Variants in CAMKMT observed in about 807,000 individuals in gnomAD.
CAMKMT encodes the protein calmodulin-lysine N-methyltransferase, also known as CaM KMT.
CAMKMT carries 53 observed loss-of-function variants against 48.0 expected under a neutral mutation model. That is an observed-to-expected ratio of 1.10 (90% CI 0.89 to 1.39). CAMKMT has a LOEUF of 1.39. Among genes scored for constraint, CAMKMT ranks in the 40% most tolerant of loss-of-function variants. CAMKMT has a pLI of 0.00. For synonymous variants in CAMKMT, 165 were observed against 152.3 expected, an observed-to-expected ratio of 1.08 and a Z score of -0.61; for missense variants, 428 against 402.7, an observed-to-expected ratio of 1.06 and a Z score of -0.54.
chr2:44,567,944 T>C (rs1271821252), intron 3 of CAMKMT, among the ~76,000 whole-genome samples: 1 of 152,114 alleles, frequency 6.6e-6, no homozygotes, highest in East Asian at 1.9e-4. Context: ...AAAATGCTAC[T>C]CCTGTTCTTA....
intron 2 of CAMKMT, among the ~76,000 whole-genome samples, chr2:44,385,669 A>T (rs1013537106): frequency 6.6e-6 from 1 of 152,040 alleles, no homozygotes; most frequent in Non-Finnish European, 1.5e-5. Flanking sequence ...TTTTGCTGAG[A>T]GTTTTAATCA....
In CAMKMT at chr2:44,690,461, G is replaced by C. The variant is rs529735381; in HGVS notation, c.377-13822G>C. 2.6e-5 allele frequency among the ~76,000 whole-genome samples: 4 copies of C among 152,366 alleles called. No individual in the cohort carries two copies. In the East Asian group the frequency reaches 7.7e-4, roughly 29 times the overall value. Reference sequence around the variant, plus strand: ...GTTGGGGCACAGAATGCAGTGATGAGAGACTGGGCTCTAGAGTTAGAGTAT... The same window carrying C: ...GTTGGGGCACAGAATGCAGTGATGACAGACTGGGCTCTAGAGTTAGAGTAT... On this transcript the variant is annotated intron_variant, in intron 3 of 10. Coordinates refer to ENST00000378494, the MANE Select transcript of CAMKMT (RefSeq NM_024766.5).
chr2:44,576,327 T>TA (rs569571059), intron 3 of CAMKMT, among the ~76,000 whole-genome samples: 6,562 of 76,444 alleles, frequency 0.086, 529 homozygotes, highest in African/African-American at 0.25. Context: ...AAACTCTGTC[T>TA]AAAAAAAAAA....
chr2:44,632,595 T>C (rs1432500053), intron 3 of CAMKMT, among the ~76,000 whole-genome samples: 1 of 152,186 alleles, frequency 6.6e-6, no homozygotes, highest in East Asian at 1.9e-4. Flanking sequence ...AGTACAGTGA[T>C]GGTTAATACG....
At chr2:44,688,702 TCTC>T (rs1287937447) in intron 3 of CAMKMT, among the ~76,000 whole-genome samples, 1 of 152,086 alleles carries the variant, frequency 6.6e-6, no homozygotes, top group Non-Finnish European at 1.5e-5. Flanking sequence ...GGGAGGCAGT[TCTC>T]CTCCTTCCCC....
intron 3 of CAMKMT, among the ~76,000 whole-genome samples, chr2:44,512,110 T>C (rs1021354850): frequency 6.6e-6 from 1 of 152,232 alleles, no homozygotes; most frequent in African/African-American, 2.4e-5. Flanking sequence ...TAGTCACTGC[T>C]GCTACCACTT....
chr2:44,505,665 G>A (rs1670221076), intron 3 of CAMKMT, among the ~76,000 whole-genome samples: 1 of 151,964 alleles, frequency 6.6e-6, no homozygotes, highest in South Asian at 2.1e-4. Context: ...CATTGAATAG[G>A]CTGAGGTGAA....
chr2:44,563,925 G>T (rs536313364), intron 3 of CAMKMT, among the ~76,000 whole-genome samples: 4 of 152,064 alleles, frequency 2.6e-5, no homozygotes, highest in South Asian at 2.1e-4. Flanking sequence ...GAATAGTGCC[G>T]CAATGAACAT....
intron 3 of CAMKMT, among the ~76,000 whole-genome samples, chr2:44,689,261 ATT>A (rs1278736278): frequency 9.2e-6 from 1 of 108,810 alleles, no homozygotes; most frequent in East Asian, 2.7e-4. Context: ...ACCCAGCACT[ATT>A]TTTTATTTAT....
intron 3 of CAMKMT, among the ~76,000 whole-genome samples, chr2:44,682,799 A>G (rs1292617217): frequency 1.3e-5 from 2 of 152,232 alleles, no homozygotes; most frequent in African/African-American, 2.4e-5. Context: ...TGAAAATTGT[A>G]TATATTACAT....
intron 3 of CAMKMT, among the ~76,000 whole-genome samples, chr2:44,447,256 A>C (rs1328381307): frequency 6.6e-6 from 1 of 151,976 alleles, no homozygotes; most frequent in East Asian, 1.9e-4. Context: ...ACATTTTATA[A>C]CTCATTGTCG....
At chr2:44,594,634 T>G (rs1572880886) in intron 3 of CAMKMT, among the ~76,000 whole-genome samples, 1 of 152,292 alleles carries the variant, frequency 6.6e-6, no homozygotes, top group East Asian at 1.9e-4. Context: ...ACTGGATCCC[T>G]TCCTTACACC....
At chr2:44,597,796 G>A (rs143997887) in intron 3 of CAMKMT, among the ~76,000 whole-genome samples, 71 of 152,214 alleles carry the variant, frequency 4.7e-4, no homozygotes, top group African/African-American at 1.6e-3. Flanking sequence ...GAGTGCAGTG[G>A]TGCGATCTCA....
At chr2:44,571,842 C>A (rs145705958) in intron 3 of CAMKMT, among the ~76,000 whole-genome samples, 111 of 152,086 alleles carry the variant, frequency 7.3e-4, no homozygotes, top group Non-Finnish European at 1.3e-3. Flanking sequence ...AAAAAAGAGA[C>A]AAAACAAATA....
At position 44,455,883 on chromosome 2, in the gene CAMKMT, G is replaced by A. The variant is rs765395421; in HGVS notation, c.376+65578G>A. Among the ~76,000 whole-genome samples the A allele has an allele frequency of 1.4e-4, 22 of 152,122 alleles. 1 individual carries two copies. Among genetic ancestry groups the A allele is most frequent in the Non-Finnish European group, 2.8e-4 (19 of 68,016 alleles). ...CAAAAACGTTGGTCCTTAATTAAAG[G>A]TTAAAGTTATCAGGAATCCTAACTT... On this transcript the variant is annotated intron_variant, in intron 3 of 10. Coordinates refer to ENST00000378494, the MANE Select transcript of CAMKMT (RefSeq NM_024766.5).
intron 2 of CAMKMT, among the ~76,000 whole-genome samples, chr2:44,383,947 G>T (rs11124989): frequency 0.63 from 96,071 of 151,950 alleles, 30,791 homozygotes; most frequent in Middle Eastern, 0.67. Flanking sequence ...AGTGTGCAAG[G>T]GTCTTTTTCG....
rs1156863967 is a variant in CAMKMT at position 44,588,852 on chromosome 2, C to T, written c.377-115431C>T. 3.3e-3 allele frequency among the ~76,000 whole-genome samples: 108 copies of T among 32,468 alleles called. 22 individuals are homozygous for T. The highest frequency in any genetic ancestry group is 0.013 in the African/African-American group (93 of 7,104). The allele number at this position is 32,468 out of a possible 152,430, so 21.3% of individuals were successfully genotyped here. A position where few individuals can be genotyped will look rare whatever the true frequency, so the allele number is the denominator to read the frequency against. ...GGGGTCAGCCCCCCGCCCGGCCAGC[C>T]GCCCAGTCCGGGAGGGAGGTGGGGG... On this transcript the variant is annotated intron_variant, in intron 3 of 10. Transcript: ENST00000378494.
At chr2:44,517,086 AT>A (rs1381080168) in intron 3 of CAMKMT, among the ~76,000 whole-genome samples, 1 of 152,196 alleles carries the variant, frequency 6.6e-6, no homozygotes, top group Non-Finnish European at 1.5e-5. Context: ...GAATTAAATG[AT>A]TATTATATTA....
intron 3 of CAMKMT, among the ~76,000 whole-genome samples, chr2:44,528,629 A>T (rs1042429886): frequency 6.6e-6 from 1 of 152,152 alleles, no homozygotes; most frequent in Non-Finnish European, 1.5e-5. Context: ...CTTTATTGTC[A>T]GTTTGTTTGA....
Sources: allele counts gnomAD v4.1 joint callset (sites outside exome capture counted in the v4.1 genomes callset), GRCh38; gene constraint gnomAD v4.1.1; transcripts MANE v1.5; gene names NCBI Gene and HGNC (gene_info 2026-07-23, HGNC 2026-07-21).